The following CERKL variants were observed in gnomAD, a reference collection of about 807,000 sequenced individuals.
CERKL encodes the protein CERK like autophagy regulator, also known as ceramide kinase-like protein.
CERKL carries 61 observed loss-of-function variants against 63.4 expected under a neutral mutation model. That is an observed-to-expected ratio of 0.96 (90% CI 0.78 to 1.19). The LOEUF is 1.19. CERKL is among the 50% of genes most tolerant of loss of function. The probability of loss-of-function intolerance (pLI) is 0.00; values close to 1 mark genes in which losing one functional copy is unlikely to be tolerated. For synonymous variants in CERKL, 250 were observed against 230.5 expected (o/e 1.08, Z -0.77); for missense variants, 675 against 655.5 (o/e 1.03, Z -0.33).
At chr2:181,637,679 A>T (rs1687240589) in intron 1 of CERKL, among the ~76,000 whole-genome samples, 1 of 152,182 alleles carries the variant, frequency 6.6e-6, no homozygotes, top group Admixed American at 6.5e-5. Context: ...TAAAAGCTAT[A>T]CTTCCTAGAA....
At chr2:181,559,252 G>A (rs1027356658) in intron 4 of CERKL, among the ~76,000 whole-genome samples, 8 of 151,942 alleles carry the variant, frequency 5.3e-5, no homozygotes, top group Non-Finnish European at 8.8e-5. Context: ...TTGCTATACG[G>A]TGCTTCTAGA....
At position 181,537,366 on chromosome 2, in the gene CERKL, A is replaced by C. The variant is rs986141840; in HGVS notation, c.*818T>G. On this transcript the variant is annotated 3_prime_UTR_variant, in exon 13 of 13. Transcript: ENST00000410087. ...CACAGGCCTCTCAGATACAAGGGGA[A>C]CACAATTACATATTGGGCTAGATTT... 6.6e-6 allele frequency: 3 copies of C among 453,710 alleles called. No individual in the cohort carries two copies. The highest frequency in any genetic ancestry group is 6.0e-5 in the African/African-American group (3 of 49,984). The allele number at this position is 453,710 out of a possible 1,614,324, so 28.1% of individuals were successfully genotyped here.
chr2:181,591,969 T>C (rs1685006541), intron 2 of CERKL, among the ~76,000 whole-genome samples: 1 of 152,122 alleles, frequency 6.6e-6, no homozygotes, highest in African/African-American at 2.4e-5. Context: ...AATATTCTGT[T>C]GTGCCGAAAA....
intron 1 of CERKL, among the ~76,000 whole-genome samples, chr2:181,621,554 T>C (rs892857056): frequency 9.9e-5 from 15 of 152,220 alleles, no homozygotes; most frequent in African/African-American, 2.9e-4. Context: ...ATTATACAAG[T>C]GTGTCTCCAC....
At chr2:181,551,596 T>C (rs996926518) in intron 5 of CERKL, among the ~76,000 whole-genome samples, 1 of 151,548 alleles carries the variant, frequency 6.6e-6, no homozygotes, top group Non-Finnish European at 1.5e-5. Flanking sequence ...GAAATGCAAA[T>C]CAAAACCACA....
chr2:181,615,340 A>C (rs1445473648), intron 1 of CERKL, among the ~76,000 whole-genome samples: 1 of 152,252 alleles, frequency 6.6e-6, no homozygotes, highest in Non-Finnish European at 1.5e-5. Flanking sequence ...TATTTAGCAA[A>C]GGTTTAACAA....
chr2:181,656,724 A>C (rs1293987786), intron 1 of CERKL, 45 bp downstream of exon 1: 2 of 1,482,990 alleles, frequency 1.3e-6, no homozygotes, highest in Admixed American at 1.9e-5. Context: ...GGGGAGAGGG[A>C]GGAAGCGCGG....
chr2:181,614,576 C>T (rs750789522), intron 1 of CERKL, among the ~76,000 whole-genome samples: 2 of 152,088 alleles, frequency 1.3e-5, no homozygotes, highest in Non-Finnish European at 2.9e-5. Context: ...AAAAATATTA[C>T]ATCTTTTATG....
At chr2:181,655,558 CTG>C (rs1470032745) in intron 1 of CERKL, among the ~76,000 whole-genome samples, 4 of 152,228 alleles carry the variant, frequency 2.6e-5, no homozygotes, top group South Asian at 2.1e-4. Context: ...AGGTCAAAGA[CTG>C]TTTTCGTGAA....
At position 181,537,547 on chromosome 2, in the gene CERKL, A is replaced by AGGGAGCAGTGAATCAAGGCAGACTTAT; in HGVS notation, c.*610_*636dup. On this transcript the variant is annotated 3_prime_UTR_variant, in exon 13 of 13. Coordinates refer to ENST00000410087, the MANE Select transcript of CERKL (RefSeq NM_201548.5). ...TTTTGAAATTTAACTGCTCTGGATT[A>AGGGAGCAGTGAATCAAGGCAGACTTAT]GGGAGCAGTGAATCAAGGCAGACTT... is the stretch of plus-strand genomic sequence containing the variant. 1 of 443,244 alleles carries AGGGAGCAGTGAATCAAGGCAGACTTAT rather than the reference A, an allele frequency of 2.3e-6. No individual in the cohort carries two copies. The highest frequency in any genetic ancestry group is 1.6e-5 in the South Asian group (1 of 62,808). The allele number at this position is 443,244 out of a possible 1,614,324, so 27.5% of individuals were successfully genotyped here. A position where few individuals can be genotyped will look rare whatever the true frequency, so the allele number is the denominator to read the frequency against.
At chr2:181,595,799 C>G (rs554222057) in intron 2 of CERKL, among the ~76,000 whole-genome samples, 7 of 152,156 alleles carry the variant, frequency 4.6e-5, no homozygotes, top group African/African-American at 1.7e-4. Flanking sequence ...TCAAACCTCA[C>G]AGCAAAACTC....
At position 181,656,832 on chromosome 2, in the gene CERKL, A is replaced by G; in HGVS notation, c.175T>C (p.Cys59Arg). The change falls in exon 1 of 13, where the codon TGT becomes CGT. Residue 59 changes from cysteine (C) to arginine (R), a missense_variant. Physicochemically the swap from Cys to Arg is radical, Grantham distance 180 (BLOSUM62 -3). Transcript: ENST00000410087. ...GCTCGCTCGCTCAGCACCACGTCAC[A>G]ACTGTCCCTCCCGATCTCGAAGATG... ...RGIFEIGRDS[C>R]DVVLSERALR... 1.2e-6 allele frequency: 2 copies of G among 1,604,348 alleles called. No homozygotes were observed. Among genetic ancestry groups the G allele is most frequent in the Non-Finnish European group, 1.7e-6 (2 of 1,173,602 alleles).
At chr2:181,611,089 G>A (rs1685949365) in intron 1 of CERKL, among the ~76,000 whole-genome samples, 1 of 151,956 alleles carries the variant, frequency 6.6e-6, no homozygotes, top group Non-Finnish European at 1.5e-5. Context: ...CAGGCATGAT[G>A]GTGTGCACCT....
chr2:181,656,898 G>T lies in CERKL; in HGVS notation c.109C>A (p.Gln37Lys). 1 of 1,604,942 alleles carries T rather than the reference G, an allele frequency of 6.2e-7. No homozygotes were observed. The highest frequency in any genetic ancestry group is 1.1e-5 in the South Asian group (1 of 90,610). ...CGCTCGGCCGCCGCCTCCGTCTGCTGCGGGGACGTTAACAGCGCCGGAGGC... is the reference window on the plus strand; with the variant it reads ...CGCTCGGCCGCCGCCTCCGTCTGCTTCGGGGACGTTAACAGCGCCGGAGGC... ...AVPPALLTSP[Q>K]QTEAAAERIL... Residue 37 changes from glutamine (Q) to lysine (K), a missense_variant, in exon 1 of 13, where the codon CAG becomes AAG. Transcript: ENST00000410087.
chr2:181,612,136 C>T (rs9789735), intron 1 of CERKL, among the ~76,000 whole-genome samples: 34,768 of 152,122 alleles, frequency 0.23, 7,343 homozygotes, highest in African/African-American at 0.56. Context: ...TCTGTGGTCA[C>T]ACATCTGGTA....
Position 181,558,466 on chromosome 2 carries a change from A to C in CERKL, c.820+100T>G. ...GATGCCAGAAGTCTGGATCTTTCAA[A>C]GTCTGTTCATTAATTCTGTGTTGTG... On this transcript the variant is annotated intron_variant, in intron 5 of 12. Coordinates refer to ENST00000410087, the MANE Select transcript of CERKL (RefSeq NM_201548.5). This position sits in a 1 kb window ranked among gnomAD's most constrained non-coding sequence, Gnocchi z 4.2. The C allele has an allele frequency of 7.6e-7, 1 of 1,321,720 alleles. No individual in the cohort carries two copies. The highest frequency in any genetic ancestry group is 1.1e-6 in the Non-Finnish European group (1 of 925,960). 81.9% of individuals were successfully genotyped at this position (1,321,720 alleles called of 1,614,324 possible). A position where few individuals can be genotyped will look rare whatever the true frequency, so the allele number is the denominator to read the frequency against.
chr2:181,579,734 T>G (rs559024208), intron 2 of CERKL, among the ~76,000 whole-genome samples: 66 of 151,936 alleles, frequency 4.3e-4, no homozygotes, highest in Non-Finnish European at 7.6e-4. Flanking sequence ...ATTTTATATT[T>G]TCAATTGTAT....
intron 3 of CERKL, among the ~76,000 whole-genome samples, chr2:181,570,507 T>C (rs901356192): frequency 6.6e-6 from 1 of 152,194 alleles, no homozygotes; most frequent in African/African-American, 2.4e-5. Flanking sequence ...TTATCGTTCA[T>C]ACTCTTCTTT....
At chr2:181,637,943 G>A (rs911472892) in intron 1 of CERKL, among the ~76,000 whole-genome samples, 9 of 152,020 alleles carry the variant, frequency 5.9e-5, no homozygotes, top group Non-Finnish European at 1.2e-4. Flanking sequence ...TATCTTAAGT[G>A]GGTTTCAGTA....
Sources: allele counts gnomAD v4.1 joint callset (sites outside exome capture counted in the v4.1 genomes callset), GRCh38; gene constraint gnomAD v4.1.1; non-coding constraint Gnocchi (gnomAD v3.1); transcripts MANE v1.5; gene names NCBI Gene and HGNC (gene_info 2026-07-23, HGNC 2026-07-21).